The following CREM variants were observed in gnomAD, a reference collection of about 807,000 sequenced individuals.
CREM encodes cAMP responsive element modulator, also known as cAMP-responsive element modulator.
In CREM, 13 loss-of-function variants were observed where a neutral mutation model predicts 37.3. That is an observed-to-expected ratio of 0.35 (90% CI 0.23 to 0.55). The LOEUF is 0.55. CREM is among the 20% of genes least tolerant of loss of function. The pLI, the probability that CREM is intolerant of heterozygous loss-of-function variation, is 0.88. For synonymous variants in CREM, 124 were observed against 120.2 expected, an observed-to-expected ratio of 1.03 and a Z score of -0.21; for missense variants, 296 against 362.3, an observed-to-expected ratio of 0.82 and a Z score of 1.49.
chr10:35,182,130 C>G (rs1448431270), intron 5 of CREM, among the ~76,000 whole-genome samples: 1 of 152,152 alleles, frequency 6.6e-6, no homozygotes, highest in Non-Finnish European at 1.5e-5. Flanking sequence ...GAAGTGAATA[C>G]TAACAACATT....
At position 35,211,969 on chromosome 10, in the gene CREM, A is replaced by G; in HGVS notation, c.*571A>G. 1 of 607,968 alleles carries G rather than the reference A, an allele frequency of 1.6e-6. No homozygotes were observed. Among genetic ancestry groups the G allele is most frequent in the Non-Finnish European group, 2.5e-6 (1 of 397,682 alleles). The allele number at this position is 607,968 out of a possible 1,614,324, so 37.7% of individuals were successfully genotyped here. ...CTGTACGTAGTTAAGTCGTAGCTAT[A>G]ACTTCAAATTTTTTAAAAGAGACAA... On this transcript the variant is annotated 3_prime_UTR_variant, in exon 8 of 8. Coordinates refer to ENST00000685392, the MANE Select transcript of CREM (RefSeq NM_183011.2).
chr10:35,149,594 A>G (rs1202977612), intron 3 of CREM, among the ~76,000 whole-genome samples: 2 of 152,176 alleles, frequency 1.3e-5, no homozygotes, highest in Non-Finnish European at 2.9e-5. Context: ...AGCGTGAGAT[A>G]CAGAGCAGTG....
intron 3 of CREM, among the ~76,000 whole-genome samples, chr10:35,170,482 C>G (rs1332767023): frequency 6.6e-6 from 1 of 152,180 alleles, no homozygotes; most frequent in Non-Finnish European, 1.5e-5. Flanking sequence ...ATGGTACCAG[C>G]TCCTCCTTGT....
chr10:35,180,168 T>G (rs988237281), intron 5 of CREM, among the ~76,000 whole-genome samples: 1 of 152,230 alleles, frequency 6.6e-6, no homozygotes, highest in Non-Finnish European at 1.5e-5. Context: ...AACAAATATA[T>G]TGACAGCAGT....
intron 6 of CREM, among the ~76,000 whole-genome samples, chr10:35,194,900 A>G (rs2095083298): frequency 7.2e-6 from 1 of 138,684 alleles, no homozygotes; most frequent in East Asian, 2.1e-4. Flanking sequence ...GCTAAAAGAG[A>G]CATTATTATT....
intron 6 of CREM, among the ~76,000 whole-genome samples, chr10:35,193,750 A>G (rs1243467133): frequency 6.6e-6 from 1 of 152,150 alleles, no homozygotes; most frequent in Non-Finnish European, 1.5e-5. Flanking sequence ...AAATACAGCT[A>G]AAATGTGGTG....
At chr10:35,195,225 T>TAA (rs1491195674) in intron 6 of CREM, 1 of 1,613,782 alleles carries the variant, frequency 6.2e-7, no homozygotes, top group East Asian at 2.2e-5. Context: ...GTAAGAATGT[T>TAA]AAAGAGGGGT....
rs537809640 is a variant in CREM at position 35,190,200 on chromosome 10, G to A, written c.598+1812G>A. ...CAATATGCACGTAAGTTTGTGCCTT[G>A]GGGTTTTTAAGAATTTTCTTCCACA... is the stretch of plus-strand genomic sequence containing the variant. On this transcript the variant is annotated intron_variant, in intron 6 of 7. Transcript: ENST00000685392. 3.9e-5 allele frequency among the ~76,000 whole-genome samples: 6 copies of A among 152,234 alleles called. No individual in the cohort carries two copies. The South Asian group carries it at 1.0e-3, about 26-fold the overall frequency.
intron 6 of CREM, among the ~76,000 whole-genome samples, chr10:35,192,745 G>A (rs540974287): frequency 1.3e-4 from 20 of 152,292 alleles, no homozygotes; most frequent in Non-Finnish European, 2.5e-4. Context: ...AAATACTATT[G>A]CATTGGAGGT....
intron 5 of CREM, 95 bp downstream of exon 5, chr10:35,179,371 T>G: frequency 7.1e-7 from 1 of 1,405,404 alleles, no homozygotes; most frequent in East Asian, 2.4e-5. Context: ...AATTGTTCCA[T>G]TTTAAAATGC....
intron 6 of CREM, among the ~76,000 whole-genome samples, chr10:35,204,397 C>G (rs2095467796): frequency 6.6e-6 from 1 of 152,060 alleles, no homozygotes; most frequent in Non-Finnish European, 1.5e-5. Context: ...GTCGGGAGAT[C>G]AAGACCATCC....
chr10:35,176,545 C>CTACAGG (rs1420907435), intron 3 of CREM, among the ~76,000 whole-genome samples: 2 of 151,692 alleles, frequency 1.3e-5, no homozygotes, highest in Non-Finnish European at 2.9e-5. Context: ...GTAGCTGGGA[C>CTACAGG]TACAGGCGCC....
rs1376290261 is a variant in CREM at position 35,181,522 on chromosome 10, G to A, written c.409+2246G>A. Among the ~76,000 whole-genome samples, 3 of 152,138 alleles carry A rather than the reference G, an allele frequency of 2.0e-5. No individual in the cohort carries two copies. The East Asian group carries it at 5.8e-4, about 29-fold the overall frequency. ...CCTCACTCTGTGTGTCTGTGGGGGG[G>A]ATGAGAGGAGCAGAGTCAGGAATTT... On this transcript the variant is annotated intron_variant, in intron 5 of 7. Coordinates refer to ENST00000685392, the MANE Select transcript of CREM (RefSeq NM_183011.2).
In CREM at chr10:35,137,859, ATATAT is replaced by A; in HGVS notation, c.27_31del (p.Tyr9Ter). 2 of 1,590,908 alleles carry A rather than the reference ATATAT, an allele frequency of 1.3e-6. No individual in the cohort carries two copies. The highest frequency in any genetic ancestry group is 1.1e-5 in the South Asian group (1 of 87,410). ...CAATGAGCAAATGTGCAAGGAAAAA[ATATAT>A]TAAGACAAATCCAAGGTAGGTAGAT... On this transcript the variant is annotated frameshift_variant, in exon 2 of 8. Transcript: ENST00000685392. LOFTEE classifies it high-confidence loss of function.
At chr10:35,167,400 A>T in intron 3 of CREM, 2 of 246,932 alleles carry the variant, frequency 8.1e-6, no homozygotes, top group African/African-American at 2.2e-5. Flanking sequence ...TTGATTTTTC[A>T]GGAGCAGAGT....
chr10:35,188,476 GA>G, intron 6 of CREM, 88 bp downstream of exon 6: 1 of 1,224,710 alleles, frequency 8.2e-7, no homozygotes, highest in Non-Finnish European at 1.1e-6. Flanking sequence ...TTTTGAAATA[GA>G]TCGAAGGTAG....
intron 3 of CREM, among the ~76,000 whole-genome samples, chr10:35,161,931 C>T (rs1277382449): frequency 6.6e-6 from 1 of 152,048 alleles, no homozygotes; most frequent in African/African-American, 2.4e-5. Context: ...GGGTATCTAT[C>T]CAAAGGAGAT....
chr10:35,166,030 G>C (rs995458103), intron 3 of CREM, among the ~76,000 whole-genome samples: 4 of 152,054 alleles, frequency 2.6e-5, no homozygotes, highest in Non-Finnish European at 4.4e-5. Context: ...CAGAAACAAT[G>C]ATCCTTTTCC....
chr10:35,192,056 G>C (rs2094939982), intron 6 of CREM, among the ~76,000 whole-genome samples: 1 of 152,192 alleles, frequency 6.6e-6, no homozygotes, highest in African/African-American at 2.4e-5. Flanking sequence ...ACAGCCCTCT[G>C]TCCTGGCCCT....
Sources: gnomAD v4.1 joint callset for allele counts (sites outside exome capture counted in the v4.1 genomes callset) on GRCh38, gnomAD v4.1.1 for gene constraint, MANE v1.5 for transcripts, NCBI Gene and HGNC (gene_info 2026-07-23, HGNC 2026-07-21) for gene names.